NCS1: variants seen among roughly 807,000 people sequenced by gnomAD.
NCS1 encodes the protein frequenin homolog.
A neutral mutation model predicts 28.4 loss-of-function variants in NCS1; 6 were observed. The observed-to-expected ratio is 0.21, with a 90% confidence interval of 0.12 to 0.42. The LOEUF is 0.42. Ranked by LOEUF, NCS1 falls within the 10% of genes least tolerant of loss-of-function variation. The pLI is 1.00. For synonymous variants in NCS1, 86 were observed against 99.3 expected (o/e 0.87, Z 0.79); for missense variants, 131 against 241.4 (o/e 0.54, Z 3.03).
In NCS1 at chr9:130,219,676, G is replaced by T. The variant is rs369405492; in HGVS notation, c.229-49G>T. On this transcript the variant is annotated intron_variant, in intron 3 of 7. Coordinates refer to ENST00000372398, the MANE Select transcript of NCS1 (RefSeq NM_014286.4). This position sits in a 1 kb window ranked among gnomAD's most constrained non-coding sequence, Gnocchi z 5.7. The stretch of plus-strand genomic sequence containing the variant: ...CCCGTCCCGAGGTTCAGCCTGACCC[G>T]GTGGCCTGGCCGGCACTGACTGAGG... 2 of 1,582,842 alleles carry T rather than the reference G, an allele frequency of 1.3e-6. No homozygotes were observed. The highest frequency in any genetic ancestry group is 1.7e-5 in the Admixed American group (1 of 59,976).
rs1293812581 is a variant in NCS1, at chr9:130,234,548, G to C, written c.*1576G>C. On this transcript the variant is annotated 3_prime_UTR_variant, in exon 8 of 8. Transcript: ENST00000372398. The surrounding 1 kb of genome is among the most constrained non-coding windows in gnomAD (Gnocchi z 6.1). ...GAGGAGGCCCGGGCTGGTTGGTCTT[G>C]AAGGCCCTTTTCCATGCCGACATCA... The C allele has an allele frequency of 6.6e-6, 1 of 152,374 alleles. No individual in the cohort carries two copies. Among genetic ancestry groups the C allele is most frequent in the Non-Finnish European group, 1.5e-5 (1 of 68,150 alleles). 9.4% of individuals were successfully genotyped at this position (152,374 alleles called of 1,614,324 possible). A position where few individuals can be genotyped will look rare whatever the true frequency, so the allele number is the denominator to read the frequency against.
intron 1 of NCS1, among the ~76,000 whole-genome samples, chr9:130,197,595 G>A (rs1156755956): frequency 3.9e-5 from 6 of 152,178 alleles, no homozygotes; most frequent in Non-Finnish European, 7.3e-5. Context: ...CCGTGCCAGA[G>A]CTCCCTGGCT....
In NCS1 at chr9:130,229,100, C is replaced by A. The variant is rs542519007; in HGVS notation, c.*17+2596C>A. ...ATTAAAAAGTTTATTTTAAAAAAAA[C>A]CCCTTATGTATGACTCAGATATAAT... On this transcript the variant is annotated intron_variant, in intron 7 of 7. Transcript: ENST00000372398. Among the ~76,000 whole-genome samples the A allele has an allele frequency of 1.8e-4, 27 of 151,902 alleles. No individual in the cohort carries two copies. In the East Asian group the frequency reaches 2.1e-3, roughly 12 times the overall value.
chr9:130,218,926 C>T (rs955400147), intron 3 of NCS1, among the ~76,000 whole-genome samples: 1 of 152,096 alleles, frequency 6.6e-6, no homozygotes, highest in Non-Finnish European at 1.5e-5. Context: ...CTTACAAGCA[C>T]CTGGGAGCTG....
intron 4 of NCS1, among the ~76,000 whole-genome samples, chr9:130,220,813 A>G (rs1554910164): frequency 2.0e-5 from 3 of 150,434 alleles, no homozygotes; most frequent in African/African-American, 4.9e-5. Context: ...CCTCCTCTCA[A>G]TGCACTATTT....
In NCS1 at chr9:130,191,695, C is replaced by T. The variant is rs545532344; in HGVS notation, c.65-9263C>T. ...GGGTTCAGGCTGGTGCCGGGCAGAC[C>T]GCAGTCAGCACCCGATGGCGACAGT... is the stretch of plus-strand genomic sequence containing the variant. On this transcript the variant is annotated intron_variant, in intron 1 of 7. Transcript: ENST00000372398. The surrounding 1 kb of genome is among the most constrained non-coding windows in gnomAD (Gnocchi z 6.4). Among the ~76,000 whole-genome samples the T allele has an allele frequency of 2.2e-4, 33 of 152,348 alleles. No individual in the cohort carries two copies. The East Asian group carries it at 3.1e-3, about 14-fold the overall frequency.
chr9:130,176,194 C>CTTTCTTTCTTTCTTTCTT (rs1554904576), intron 1 of NCS1, among the ~76,000 whole-genome samples: 1 of 50,138 alleles, frequency 2.0e-5, no homozygotes, highest in Admixed American at 2.3e-4. Context: ...TTCTTTCTTT[C>CTTTCTTTCTTTCTTTCTT]TTTTTTTTTT....
intron 1 of NCS1, among the ~76,000 whole-genome samples, chr9:130,173,547 C>A (rs1307559432): frequency 6.6e-6 from 1 of 152,196 alleles, no homozygotes; most frequent in Non-Finnish European, 1.5e-5. Context: ...TCCGGAGGTG[C>A]CCTGGCATAC....
chr9:130,226,533 G>A lies in NCS1; in HGVS notation c.*17+29G>A. 6.5e-7 allele frequency: 1 copy of A among 1,539,704 alleles called. No homozygotes were observed. The highest frequency in any genetic ancestry group is 8.9e-7 in the Non-Finnish European group (1 of 1,122,330). On this transcript the variant is annotated intron_variant, in intron 7 of 7. Coordinates refer to ENST00000372398, the MANE Select transcript of NCS1 (RefSeq NM_014286.4). This position sits in a 1 kb window ranked among gnomAD's most constrained non-coding sequence, Gnocchi z 4.8. Reference sequence around the variant, plus strand: ...AGTGCAGACTCGGGGCCTGGGGTGGGTCTGGGATGGGTCAGGGGTGAAAAC... The same window carrying A: ...AGTGCAGACTCGGGGCCTGGGGTGGATCTGGGATGGGTCAGGGGTGAAAAC...
chr9:130,173,204 G>GT (rs1832514186), intron 1 of NCS1, among the ~76,000 whole-genome samples: 1 of 146,082 alleles, frequency 6.8e-6, no homozygotes. Context: ...TCGTGTGGGG[G>GT]GGGGGGTGGC....
At chr9:130,189,628 G>A (rs193061993) in intron 1 of NCS1, among the ~76,000 whole-genome samples, 1 of 151,982 alleles carries the variant, frequency 6.6e-6, no homozygotes, top group Non-Finnish European at 1.5e-5. Context: ...GATCACTTGA[G>A]GTCAGTAGTT....
chr9:130,184,099 C>T (rs565773519), intron 1 of NCS1, among the ~76,000 whole-genome samples: 119 of 152,194 alleles, frequency 7.8e-4, no homozygotes, highest in Admixed American at 3.6e-3. Context: ...TGTGAGCCAC[C>T]GCGCCCGGCG....
intron 4 of NCS1, among the ~76,000 whole-genome samples, chr9:130,220,593 G>A (rs2131153146): frequency 6.6e-6 from 1 of 152,206 alleles, no homozygotes; most frequent in South Asian, 2.1e-4. Flanking sequence ...GGGAGGGGAA[G>A]CTGTGCAGGC....
chr9:130,232,792 A>T lies in NCS1; in HGVS notation c.*18-198A>T, dbSNP rs1259147567. Among the ~76,000 whole-genome samples, 1 of 150,252 alleles carries T rather than the reference A, an allele frequency of 6.7e-6. No homozygotes were observed. Among genetic ancestry groups the T allele is most frequent in the Non-Finnish European group, 1.5e-5 (1 of 67,478 alleles). Reference sequence around the variant, plus strand: ...CAGAGCAAGACTCCAACTCAAAAAAAAGCAAACAAAAAAAAACCAAAAAAC... The same window carrying T: ...CAGAGCAAGACTCCAACTCAAAAAATAGCAAACAAAAAAAAACCAAAAAAC... On this transcript the variant is annotated intron_variant, in intron 7 of 7. Coordinates refer to ENST00000372398, the MANE Select transcript of NCS1 (RefSeq NM_014286.4). This position sits in a 1 kb window ranked among gnomAD's most constrained non-coding sequence, Gnocchi z 4.4.
chr9:130,203,275 T>G (rs1832982580), intron 2 of NCS1, among the ~76,000 whole-genome samples: 1 of 151,920 alleles, frequency 6.6e-6, no homozygotes, highest in Non-Finnish European at 1.5e-5. Context: ...ATCCACCTGA[T>G]GCCTGGCTAA....
intron 2 of NCS1, among the ~76,000 whole-genome samples, chr9:130,202,877 G>A (rs1481376256): frequency 6.6e-6 from 1 of 152,054 alleles, no homozygotes; most frequent in Admixed American, 6.6e-5. Flanking sequence ...ACTGCACGTG[G>A]CCTGCCATTG....
At chr9:130,183,285 C>G (rs117042323) in intron 1 of NCS1, among the ~76,000 whole-genome samples, 1 of 150,312 alleles carries the variant, frequency 6.7e-6, no homozygotes, top group Middle Eastern at 3.4e-3. Context: ...TTCTCAGCTC[C>G]GGGTGCCCTG....
At chr9:130,212,493 T>C (rs1554908898) in intron 2 of NCS1, among the ~76,000 whole-genome samples, 2 of 148,538 alleles carry the variant, frequency 1.3e-5, no homozygotes, top group African/African-American at 5.0e-5. Flanking sequence ...GGGGAAACCC[T>C]GATCTAGTAT....
chr9:130,198,068 G>C (rs1832898638), intron 1 of NCS1, among the ~76,000 whole-genome samples: 1 of 151,936 alleles, frequency 6.6e-6, no homozygotes, highest in African/African-American at 2.4e-5. Context: ...AGCCTCAACT[G>C]TTTCCTAAAG....
Sources: allele counts gnomAD v4.1 joint callset (sites outside exome capture counted in the v4.1 genomes callset), GRCh38; gene constraint gnomAD v4.1.1; non-coding constraint Gnocchi (gnomAD v3.1); transcripts MANE v1.5; gene names NCBI Gene and HGNC (gene_info 2026-07-23, HGNC 2026-07-21).